The following RFX4 variants were observed in gnomAD, a reference collection of about 807,000 sequenced individuals.
RFX4 encodes regulatory factor X4, also known as transcription factor RFX4.
RFX4 carries 10 observed loss-of-function variants against 95.0 expected under a neutral mutation model. That is an observed-to-expected ratio of 0.11 (90% confidence interval 0.06 to 0.18). RFX4 has a LOEUF of 0.18. Ranked by LOEUF, RFX4 falls within the 10% of genes least tolerant of loss-of-function variation. The pLI is 1.00. For missense variants in RFX4, 640 were observed against 922.0 expected (o/e 0.69, Z 3.96); for synonymous variants, 321 against 340.7 (o/e 0.94, Z 0.64).
At chr12:106,647,842 A>C (rs1426348139) in intron 3 of RFX4, among the ~76,000 whole-genome samples, 1 of 152,212 alleles carries the variant, frequency 6.6e-6, no homozygotes, top group Non-Finnish European at 1.5e-5. Flanking sequence ...GAGATGGTAC[A>C]GTTTCTCTCA....
intron 4 of RFX4, among the ~76,000 whole-genome samples, chr12:106,656,323 A>C (rs571931858): frequency 6.6e-6 from 1 of 152,326 alleles, no homozygotes; most frequent in South Asian, 2.1e-4. Flanking sequence ...ATGTGACTAG[A>C]AGCTACCATA....
rs552488151 is a variant in RFX4, at chr12:106,741,517, A to C, written c.1634-5920A>C. 2.6e-3 allele frequency among the ~76,000 whole-genome samples: 402 copies of C among 152,348 alleles called. 1 individual carries two copies. The highest frequency in any genetic ancestry group is 8.9e-3 in the African/African-American group (372 of 41,586). On this transcript the variant is annotated intron_variant, in intron 15 of 17. Transcript: ENST00000392842. ...CCACCTGTGGCTATTAAGCACTTCA[A>C]ATGTGGCTAGTGGAATTAAGAAACT...
chr12:106,676,692 G>A (rs2041398332), intron 4 of RFX4, among the ~76,000 whole-genome samples: 1 of 152,160 alleles, frequency 6.6e-6, no homozygotes, highest in South Asian at 2.1e-4. Context: ...CCTATTGGGT[G>A]CAGGGCCCTC....
intron 2 of RFX4, among the ~76,000 whole-genome samples, chr12:106,615,110 AT>A (rs1341655882): frequency 6.6e-6 from 1 of 152,110 alleles, no homozygotes; most frequent in Admixed American, 6.5e-5. Flanking sequence ...CAGCTTTACT[AT>A]TTTACCTTTC....
rs115111070 is a variant in RFX4 at position 106,676,533 on chromosome 12, A to G, written c.316-5460A>G. Reference sequence around the variant, plus strand: ...CTACTTGGGGACCTCAATTATGCAAATAATGATTTTTGATTAGCATTTTAT... The same window carrying G: ...CTACTTGGGGACCTCAATTATGCAAGTAATGATTTTTGATTAGCATTTTAT... On this transcript the variant is annotated intron_variant, in intron 4 of 17. Transcript: ENST00000392842. Among the ~76,000 whole-genome samples, 1,267 of 152,332 alleles carry G rather than the reference A, an allele frequency of 8.3e-3. 25 individuals are homozygous for G. Among genetic ancestry groups the G allele is most frequent in the African/African-American group, 0.029 (1,210 of 41,582 alleles).
rs762311951 is a variant in RFX4 at position 106,761,455 on chromosome 12, G to A, written c.2194G>A (p.Gly732Arg). 10 of 1,610,940 alleles carry A rather than the reference G, an allele frequency of 6.2e-6. No homozygotes were observed. The highest frequency in any genetic ancestry group is 2.2e-5 in the South Asian group (2 of 90,358). ...TTACATCAACGGAGAGGCCTCTACA[G>A]GATGGGCTAAATGACTGCTATCATA... Reference protein sequence around the residue: ...FAYINGEASTGWAK With the variant: ...FAYINGEASTRWAK The change falls in exon 18 of 18, where the codon GGA (glycine) becomes AGA (arginine). Residue 732 changes from glycine to arginine, a missense_variant. Physicochemically the swap from Gly to Arg is moderately radical, Grantham distance 125 (BLOSUM62 -2). Coordinates refer to ENST00000392842, the MANE Select transcript of RFX4 (RefSeq NM_213594.3).
chr12:106,657,223 C>A (rs1011223109), intron 4 of RFX4, among the ~76,000 whole-genome samples: 2 of 152,234 alleles, frequency 1.3e-5, no homozygotes, highest in Non-Finnish European at 2.9e-5. Context: ...TCCAAACTTA[C>A]AATTCATTGA....
At chr12:106,648,012 C>A (rs2040781588) in intron 3 of RFX4, among the ~76,000 whole-genome samples, 1 of 152,298 alleles carries the variant, frequency 6.6e-6, no homozygotes, top group Admixed American at 6.5e-5. Flanking sequence ...GAACCATGGC[C>A]ATCCCTGGGA....
chr12:106,753,249 C>T (rs561671014), intron 17 of RFX4, among the ~76,000 whole-genome samples: 2 of 152,280 alleles, frequency 1.3e-5, no homozygotes, highest in East Asian at 1.9e-4. Context: ...TTGGATGTGC[C>T]GAGTTCCTCC....
chr12:106,677,388 G>A (rs1374782131), intron 4 of RFX4, among the ~76,000 whole-genome samples: 1 of 152,064 alleles, frequency 6.6e-6, no homozygotes, highest in Non-Finnish European at 1.5e-5. Context: ...TGGAGCTCTG[G>A]GGAGTGGCTG....
chr12:106,588,270 A>G (rs2039492318), intron 1 of RFX4, among the ~76,000 whole-genome samples: 1 of 152,244 alleles, frequency 6.6e-6, no homozygotes, highest in African/African-American at 2.4e-5. Context: ...TGCCACCTGC[A>G]GTGCATTCCT....
At chr12:106,690,165 C>T (rs1019215072) in intron 7 of RFX4, among the ~76,000 whole-genome samples, 7 of 152,100 alleles carry the variant, frequency 4.6e-5, no homozygotes, top group Non-Finnish European at 8.8e-5. Flanking sequence ...TGCCTTCCCA[C>T]GGCTGTGTCC....
chr12:106,733,602 T>TC (rs2042654344), intron 15 of RFX4: 1 of 152,500 alleles, frequency 6.6e-6, no homozygotes, highest in Admixed American at 6.5e-5. Context: ...TGAGCTGCTT[T>TC]CTTTTTCTCT....
intron 2 of RFX4, among the ~76,000 whole-genome samples, chr12:106,622,622 ATTT>A (rs34736856): frequency 1.7e-4 from 23 of 132,230 alleles, no homozygotes; most frequent in African/African-American, 5.0e-4. Flanking sequence ...TCCAAGCTGC[ATTT>A]TTTTTTTTTT....
intron 17 of RFX4, among the ~76,000 whole-genome samples, chr12:106,758,101 CAG>C (rs774457730): frequency 6.6e-6 from 1 of 152,196 alleles, no homozygotes; most frequent in South Asian, 2.1e-4. Flanking sequence ...TTATTCCAGA[CAG>C]AGATCTCTGG....
At chr12:106,626,838 C>T (rs984740883) in intron 2 of RFX4, among the ~76,000 whole-genome samples, 1 of 152,188 alleles carries the variant, frequency 6.6e-6, no homozygotes, top group African/African-American at 2.4e-5. Flanking sequence ...GTCCTCTAGT[C>T]TTCAGGTCAC....
intron 15 of RFX4, among the ~76,000 whole-genome samples, chr12:106,736,092 G>A (rs1312772577): frequency 6.6e-6 from 1 of 152,134 alleles, no homozygotes; most frequent in African/African-American, 2.4e-5. Flanking sequence ...CTCAACTCCT[G>A]TATTAGTTAG....
intron 8 of RFX4, among the ~76,000 whole-genome samples, chr12:106,705,781 C>T (rs1026208034): frequency 2.6e-5 from 4 of 151,944 alleles, no homozygotes; most frequent in Non-Finnish European, 5.9e-5. Flanking sequence ...GGACAAGACC[C>T]GTTGTCCATC....
At chr12:106,604,816 G>A (rs2039792208) in intron 1 of RFX4, among the ~76,000 whole-genome samples, 1 of 152,226 alleles carries the variant, frequency 6.6e-6, no homozygotes, top group African/African-American at 2.4e-5. Context: ...AATTATGTAA[G>A]TAGAGTTTTA....
Sources: allele counts gnomAD v4.1 joint callset (sites outside exome capture counted in the v4.1 genomes callset), GRCh38; gene constraint gnomAD v4.1.1; transcripts MANE v1.5; gene names NCBI Gene and HGNC (gene_info 2026-07-23, HGNC 2026-07-21).